Variants in MYOCD observed in about 807,000 individuals in gnomAD.
MYOCD encodes the protein myocardin.
MYOCD carries 32 observed loss-of-function variants against 96.1 expected under a neutral mutation model. The observed-to-expected ratio is 0.33, with a 90% CI of 0.25 to 0.45. The LOEUF (loss-of-function observed/expected upper bound fraction) is 0.45. MYOCD is among the 20% of genes least tolerant of loss of function. The probability of loss-of-function intolerance (pLI) is 1.00; values close to 1 mark genes in which losing one functional copy is unlikely to be tolerated. For synonymous variants in MYOCD, 469 were observed against 469.0 expected, an observed-to-expected ratio of 1.00 and a Z score of 0.00; for missense variants, 1,133 against 1,200.6, an observed-to-expected ratio of 0.94 and a Z score of 0.83.
At chr17:12,710,472 T>C (rs1054261610) in intron 2 of MYOCD, 2 of 975,632 alleles carry the variant, frequency 2.0e-6, no homozygotes, top group Non-Finnish European at 2.4e-6. Flanking sequence ...CTATGAATGG[T>C]GCTGCCTTTA....
intron 3 of MYOCD, among the ~76,000 whole-genome samples, chr17:12,715,998 TA>T (rs1329148849): frequency 2.6e-5 from 4 of 152,360 alleles, no homozygotes; most frequent in Admixed American, 2.0e-4. Context: ...TGTAGCTACT[TA>T]AAGGCAAAAG....
chr17:12,746,644 T>C (rs2032670306), intron 9 of MYOCD, among the ~76,000 whole-genome samples: 1 of 151,314 alleles, frequency 6.6e-6, no homozygotes, highest in Non-Finnish European at 1.5e-5. Flanking sequence ...TCCCTCTAGA[T>C]ACACATGCTC....
chr17:12,719,653 G>A (rs1288866355), intron 4 of MYOCD, among the ~76,000 whole-genome samples: 3 of 141,548 alleles, frequency 2.1e-5, no homozygotes, highest in Non-Finnish European at 1.5e-5. Flanking sequence ...AGGAGTTTGA[G>A]ACCAGCCTGG....
chr17:12,705,817 A>G (rs1193783943), intron 2 of MYOCD: 1 of 152,228 alleles, frequency 6.6e-6, no homozygotes, highest in Non-Finnish European at 1.5e-5. Context: ...TCATGGGTAA[A>G]GCTGCTCTAG....
At position 12,666,021 on chromosome 17, in the gene MYOCD, A is replaced by G. The variant is rs1909354795; in HGVS notation, c.-168A>G. 9.1e-6 allele frequency: 5 copies of G among 549,430 alleles called. No individual in the cohort carries two copies. In the South Asian group the frequency reaches 9.9e-5, roughly 11 times the overall value. The allele number at this position is 549,430 out of a possible 1,614,324, so 34.0% of individuals were successfully genotyped here. On this transcript the variant is annotated 5_prime_UTR_variant, in exon 1 of 14. Transcript: ENST00000425538. ...CCCGCACGGCGAGGGGGGAGGCGCC[A>G]GTTTTCTGGGGACACTGGCTGCCAC...
At chr17:12,718,137 AGGAGTTGGCTGCTCTGCCAGGCCAGT>A (rs1253889412) in intron 4 of MYOCD, among the ~76,000 whole-genome samples, 2 of 152,216 alleles carry the variant, frequency 1.3e-5, no homozygotes, top group Admixed American at 1.3e-4. Flanking sequence ...GGTGTCTGCT[AGGAGTTGGCTGCTCTGCCAGGCCAGT>A]GGGTTCAACG....
chr17:12,737,267 A>G (rs539945280), intron 6 of MYOCD, among the ~76,000 whole-genome samples: 13 of 152,280 alleles, frequency 8.5e-5, no homozygotes, highest in Non-Finnish European at 1.3e-4. Context: ...AAGGGGGAAA[A>G]AAAAAGAATA....
chr17:12,738,365 A>T (rs2032404788), intron 6 of MYOCD, among the ~76,000 whole-genome samples: 1 of 152,200 alleles, frequency 6.6e-6, no homozygotes, highest in African/African-American at 2.4e-5. Flanking sequence ...AGAGGAATAT[A>T]GGAGAGAAAG....
chr17:12,751,287 GTA>G (rs200542721), intron 9 of MYOCD, among the ~76,000 whole-genome samples: 1 of 150,576 alleles, frequency 6.6e-6, no homozygotes, highest in Admixed American at 6.6e-5. Context: ...ATATATATAT[GTA>G]TATATATATG....
intron 8 of MYOCD, among the ~76,000 whole-genome samples, chr17:12,745,519 T>C (rs1344301156): frequency 1.3e-5 from 2 of 152,044 alleles, no homozygotes; most frequent in Middle Eastern, 3.2e-3. Flanking sequence ...AGGTCACCCT[T>C]TAAATTGTCA....
At chr17:12,756,695 CA>C (rs11307445) in intron 11 of MYOCD, 138 bp downstream of exon 11, 53,452 of 141,376 alleles carry the variant, frequency 0.38, 4,091 homozygotes, top group Middle Eastern at 0.42. Flanking sequence ...GACTGCATCT[CA>C]AAAAAAAAAA....
At chr17:12,758,703 A>G (rs2033083788) in intron 12 of MYOCD, among the ~76,000 whole-genome samples, 1 of 152,218 alleles carries the variant, frequency 6.6e-6, no homozygotes, top group Non-Finnish European at 1.5e-5. Flanking sequence ...GGTTCACTGT[A>G]TCCTCTACTT....
In MYOCD at chr17:12,765,406, G is replaced by A. The variant is rs1399272681; in HGVS notation, c.*1762G>A. 1 of 151,744 alleles carries A rather than the reference G, an allele frequency of 6.6e-6. No individual in the cohort carries two copies. Among genetic ancestry groups the A allele is most frequent in the Non-Finnish European group, 1.5e-5 (1 of 67,976 alleles). The allele number at this position is 151,744 out of a possible 1,614,324, so 9.4% of individuals were successfully genotyped here. A position where few individuals can be genotyped will look rare whatever the true frequency, so the allele number is the denominator to read the frequency against. On this transcript the variant is annotated 3_prime_UTR_variant, in exon 14 of 14. Coordinates refer to ENST00000425538, the MANE Select transcript of MYOCD (RefSeq NM_001146312.3). Reference sequence around the variant, plus strand: ...GAAGCTCTCTTTTTGATAAACCAAAGATTTAGAAGTCATTCCATTGTTAAC... The same window carrying A: ...GAAGCTCTCTTTTTGATAAACCAAAAATTTAGAAGTCATTCCATTGTTAAC...
In MYOCD at chr17:12,764,100, C is replaced by G. The variant is rs2033266840; in HGVS notation, c.*456C>G. The G allele has an allele frequency of 6.5e-6, 1 of 153,180 alleles. No homozygotes were observed. Among genetic ancestry groups the G allele is most frequent in the African/African-American group, 2.4e-5 (1 of 41,480 alleles). 9.5% of individuals were successfully genotyped at this position (153,180 alleles called of 1,614,324 possible). ...ATGGAAGACATACCTGCAATGGAAG[C>G]TGTTGCCCAATGTCTCCATTACTAT... On this transcript the variant is annotated 3_prime_UTR_variant, in exon 14 of 14. Transcript: ENST00000425538.
At chr17:12,668,594 G>T (rs765846426) in intron 1 of MYOCD, among the ~76,000 whole-genome samples, 3 of 151,976 alleles carry the variant, frequency 2.0e-5, no homozygotes, top group Non-Finnish European at 2.9e-5. Context: ...TTACATGTAT[G>T]AACATGTTTA....
chr17:12,715,236 A>G (rs2031602821), intron 2 of MYOCD, among the ~76,000 whole-genome samples: 1 of 151,950 alleles, frequency 6.6e-6, no homozygotes, highest in African/African-American at 2.4e-5. Context: ...CACCCCTTCT[A>G]TTTCCTCCGG....
At chr17:12,752,359 AC>A (rs924388386) in intron 9 of MYOCD, 54 bp from the exon 10 acceptor site, 83 of 1,439,264 alleles carry the variant, frequency 5.8e-5, no homozygotes, top group Non-Finnish European at 7.6e-5. Context: ...TAATGAATAC[AC>A]TTTTAAAAAT....
intron 1 of MYOCD, among the ~76,000 whole-genome samples, chr17:12,682,892 A>G (rs1372878210): frequency 6.6e-6 from 1 of 152,234 alleles, no homozygotes; most frequent in Non-Finnish European, 1.5e-5. Context: ...AACAATTATC[A>G]TATGGAACCT....
intron 4 of MYOCD, among the ~76,000 whole-genome samples, chr17:12,718,493 G>A (rs193024509): frequency 5.5e-4 from 84 of 152,284 alleles, no homozygotes; most frequent in African/African-American, 1.9e-3. Context: ...TAAAGCGCAC[G>A]AAAGACTCTG....
Sources: gnomAD v4.1 joint callset for allele counts (sites outside exome capture counted in the v4.1 genomes callset) on GRCh38, gnomAD v4.1.1 for gene constraint, MANE v1.5 for transcripts, NCBI Gene and HGNC (gene_info 2026-07-23, HGNC 2026-07-21) for gene names.